The following KIAA1217 variants were observed in gnomAD, a reference collection of about 807,000 sequenced individuals.
The protein encoded by KIAA1217 is KIAA1217, also known as sickle tail protein homolog.
Under a neutral mutation model 163.9 loss-of-function variants are expected in KIAA1217, and 88 were observed. That is an observed-to-expected ratio of 0.54 (90% CI 0.45 to 0.64). KIAA1217 has a LOEUF of 0.64. KIAA1217 is among the 30% of genes least tolerant of loss of function. The pLI, the probability that KIAA1217 is intolerant of heterozygous loss-of-function variation, is 0.00. For synonymous variants in KIAA1217, 903 were observed against 923.1 expected (o/e 0.98, Z 0.39); for missense variants, 2,372 against 2,475.0 (o/e 0.96, Z 0.88).
At chr10:23,972,353 G>A (rs193174915) in intron 1 of KIAA1217, among the ~76,000 whole-genome samples, 23 of 152,090 alleles carry the variant, frequency 1.5e-4, no homozygotes, top group African/African-American at 4.3e-4. Flanking sequence ...CAAAGACATG[G>A]AATCAACCCA....
At chr10:24,045,135 A>T (rs1403038072) in intron 2 of KIAA1217, among the ~76,000 whole-genome samples, 1 of 152,084 alleles carries the variant, frequency 6.6e-6, no homozygotes, top group Non-Finnish European at 1.5e-5. Context: ...ACCAAAAATA[A>T]TTTTTTCCTC....
At chr10:24,020,029 TA>T (rs1261372716) in intron 2 of KIAA1217, among the ~76,000 whole-genome samples, 1 of 152,104 alleles carries the variant, frequency 6.6e-6, no homozygotes, top group Non-Finnish European at 1.5e-5. Flanking sequence ...ATCTTAAAAG[TA>T]GCCACAAAAG....
intron 1 of KIAA1217, among the ~76,000 whole-genome samples, chr10:23,783,757 C>T (rs576010614): frequency 3.3e-5 from 5 of 151,784 alleles, no homozygotes; most frequent in South Asian, 4.2e-4. Context: ...TTGATTTGTT[C>T]GGGCTTTTTG....
At chr10:23,970,722 A>G (rs1845278848) in intron 1 of KIAA1217, among the ~76,000 whole-genome samples, 2 of 152,226 alleles carry the variant, frequency 1.3e-5, no homozygotes, top group South Asian at 4.1e-4. Flanking sequence ...TAAGGCCACC[A>G]ACCAACTGAA....
At chr10:24,214,592 T>C (rs2068575879) in intron 1 of KIAA1217, among the ~76,000 whole-genome samples, 1 of 152,076 alleles carries the variant, frequency 6.6e-6, no homozygotes, top group African/African-American at 2.4e-5. Context: ...GGCTGGAAAA[T>C]GTGGTCTTCC....
Position 24,473,235 on chromosome 10 carries a change from G to C in KIAA1217, c.854G>C (p.Arg285Thr). 2 of 1,512,432 alleles carry C rather than the reference G, an allele frequency of 1.3e-6. No individual in the cohort carries two copies. The highest frequency in any genetic ancestry group is 1.8e-6 in the Non-Finnish European group (2 of 1,131,060). The allele number at this position is 1,512,432 out of a possible 1,614,324, so 93.7% of individuals were successfully genotyped here. A position where few individuals can be genotyped will look rare whatever the true frequency, so the allele number is the denominator to read the frequency against. ...KTMNGDMRMQ[R>T]ELVYARGDGP... ...CCCTTGTTTTCTTTTCAGATGCAGA[G>C]AGAACTTGTTTATGCAAGAGGAGAT... Residue 285 changes from arginine (R) to threonine (T), a missense_variant, in exon 6 of 21, where the codon AGA (arginine) becomes ACA (threonine). Physicochemically the swap from Arg to Thr is moderately conservative, Grantham distance 71 (BLOSUM62 -1). This residue lies in a region of KIAA1217 where 1,431 missense variants were observed against 1,470.3 expected (regional missense o/e 0.97). Transcript: ENST00000376454.
At position 24,184,222 on chromosome 10, in the gene KIAA1217, T is replaced by G. The variant is rs11013943; in HGVS notation, c.-170-35404T>G. On this transcript the variant is annotated intron_variant, in intron 2 of 18. Coordinates refer to the KIAA1217 transcript ENST00000376462. ...TACGTATGGTTTAAAACAGAAGTGG[T>G]TTTTCATTTGTGGGACTTGAAATGG... is the stretch of plus-strand genomic sequence containing the variant. 3.0e-3 allele frequency among the ~76,000 whole-genome samples: 463 copies of G among 152,240 alleles called. 1 individual carries two copies. Among genetic ancestry groups the G allele is most frequent in the African/African-American group, 0.011 (438 of 41,538 alleles).
chr10:24,475,753 G>T (rs1196992769), intron 6 of KIAA1217, among the ~76,000 whole-genome samples: 1 of 152,182 alleles, frequency 6.6e-6, no homozygotes, highest in Non-Finnish European at 1.5e-5. Context: ...AGTGGTTCAT[G>T]GGAACAGACC....
At chr10:24,436,271 T>TA (rs954367932) in intron 4 of KIAA1217, among the ~76,000 whole-genome samples, 77 of 152,118 alleles carry the variant, frequency 5.1e-4, no homozygotes, top group Admixed American at 3.7e-3. Context: ...TTGATTTAAA[T>TA]AAAAAAAAGA....
intron 2 of KIAA1217, among the ~76,000 whole-genome samples, chr10:24,297,928 G>C (rs1463553831): frequency 6.6e-6 from 1 of 151,580 alleles, no homozygotes; most frequent in African/African-American, 2.4e-5. Context: ...AGGGATACTA[G>C]ATACCTTGCA....
At chr10:23,966,145 T>C (rs1415977570) in intron 1 of KIAA1217, among the ~76,000 whole-genome samples, 1 of 152,216 alleles carries the variant, frequency 6.6e-6, no homozygotes, top group Non-Finnish European at 1.5e-5. Context: ...GGTTTAATGA[T>C]CTGTTGTCTC....
At chr10:23,713,246 T>C (rs535306409) in intron 1 of KIAA1217, among the ~76,000 whole-genome samples, 1 of 152,170 alleles carries the variant, frequency 6.6e-6, no homozygotes, top group Non-Finnish European at 1.5e-5. Flanking sequence ...TTGGTAACAC[T>C]GTTTTTGCTT....
intron 2 of KIAA1217, among the ~76,000 whole-genome samples, chr10:24,170,909 C>T (rs1347602858): frequency 1.3e-5 from 2 of 152,228 alleles, no homozygotes; most frequent in African/African-American, 4.8e-5. Flanking sequence ...CCCTTGAACG[C>T]ATGCCCAGTT....
At chr10:23,768,537 A>C (rs1328948576) in intron 1 of KIAA1217, among the ~76,000 whole-genome samples, 4 of 152,206 alleles carry the variant, frequency 2.6e-5, no homozygotes, top group Admixed American at 6.5e-5. Context: ...TTGTCTACTA[A>C]AAGATACCTA....
intron 1 of KIAA1217, among the ~76,000 whole-genome samples, chr10:23,829,563 A>G (rs765225229): frequency 3.9e-5 from 6 of 152,190 alleles, no homozygotes; most frequent in Non-Finnish European, 5.9e-5. Context: ...TTGCACATTT[A>G]TAATTTTTTG....
At chr10:23,878,181 A>G (rs779196514) in intron 1 of KIAA1217, among the ~76,000 whole-genome samples, 3 of 151,922 alleles carry the variant, frequency 2.0e-5, no homozygotes, top group Non-Finnish European at 4.4e-5. Flanking sequence ...AAATCCAGAC[A>G]TGGTTTTTAT....
At chr10:24,328,334 A>G (rs2045216972) in intron 2 of KIAA1217, among the ~76,000 whole-genome samples, 1 of 152,122 alleles carries the variant, frequency 6.6e-6, no homozygotes, top group Non-Finnish European at 1.5e-5. Context: ...TCAATGAGGC[A>G]TCATCATGGG....
chr10:24,130,332 AT>A (rs1415518027), intron 2 of KIAA1217, among the ~76,000 whole-genome samples: 1 of 152,160 alleles, frequency 6.6e-6, no homozygotes, highest in Admixed American at 6.5e-5. Context: ...ACGATTTCCT[AT>A]GTAAAAACAT....
chr10:23,895,642 G>A (rs914255261), intron 1 of KIAA1217, among the ~76,000 whole-genome samples: 1 of 152,040 alleles, frequency 6.6e-6, no homozygotes, highest in Admixed American at 6.6e-5. Context: ...CTATTACTGG[G>A]TATATACCCA....
Sources: allele counts gnomAD v4.1 joint callset (sites outside exome capture counted in the v4.1 genomes callset), GRCh38; gene constraint gnomAD v4.1.1; regional missense constraint gnomAD v4.1.1; transcripts MANE v1.5; gene names NCBI Gene and HGNC (gene_info 2026-07-23, HGNC 2026-07-21).